PMPCA: variants seen among roughly 807,000 people sequenced by gnomAD.
PMPCA encodes the protein peptidase, mitochondrial processing subunit alpha.
A neutral mutation model predicts 59.3 loss-of-function variants in PMPCA; 47 were observed. That is an observed-to-expected ratio of 0.79 (90% CI 0.63 to 1.01). The LOEUF (loss-of-function observed/expected upper bound fraction) is 1.01, where lower values mean the gene tolerates loss of function less well. Among genes scored for constraint, PMPCA ranks in the 50% least tolerant of loss-of-function variants. The pLI, the probability that PMPCA is intolerant of heterozygous loss-of-function variation, is 0.00. For missense variants in PMPCA, 726 were observed against 704.5 expected (o/e 1.03, Z -0.34); for synonymous variants, 338 against 290.3 (o/e 1.16, Z -1.67).
At position 136,421,263 on chromosome 9, in the gene PMPCA, A is replaced by G. The variant is rs144536681; in HGVS notation, c.1264-569A>G. Among the ~76,000 whole-genome samples, 626 of 152,384 alleles carry G rather than the reference A, an allele frequency of 4.1e-3. 20 individuals carry two copies. The highest frequency in any genetic ancestry group is 0.034 in the Admixed American group (522 of 15,306). Reference sequence around the variant, plus strand: ...TACCTTCTCCCGCTGCATGTCACACAGACAATGAAGAACTCAAGGGAGGCA... The same window carrying G: ...TACCTTCTCCCGCTGCATGTCACACGGACAATGAAGAACTCAAGGGAGGCA... On this transcript the variant is annotated intron_variant, in intron 11 of 12. Coordinates refer to ENST00000371717, the MANE Select transcript of PMPCA (RefSeq NM_015160.3).
At chr9:136,421,404 GTTTTTTTTTTTTTTT>G (rs57128281) in intron 11 of PMPCA, among the ~76,000 whole-genome samples, 1 of 118,008 alleles carries the variant, frequency 8.5e-6, no homozygotes, top group Middle Eastern at 4.7e-3. Context: ...CTGGGTTCCC[GTTTTTTTTTTTTTTT>G]TTTTTTTTGA....
intron 6 of PMPCA, 103 bp downstream of exon 6, chr9:136,416,494 A>G: frequency 1.2e-6 from 1 of 814,746 alleles, no homozygotes; most frequent in Non-Finnish European, 2.1e-6. Flanking sequence ...CTTGCAGGTT[A>G]TGGATATATA....
intron 3 of PMPCA, 112 bp from the exon 4 acceptor site, chr9:136,412,698 T>A: frequency 1.2e-6 from 1 of 820,140 alleles, no homozygotes; most frequent in South Asian, 1.5e-5. Context: ...ACTTTTAAGT[T>A]AAAAGATAAT....
intron 3 of PMPCA, 23 bp from the exon 4 acceptor site, chr9:136,412,787 G>T (rs1835171977): frequency 6.9e-7 from 1 of 1,449,864 alleles, no homozygotes; most frequent in Non-Finnish European, 9.7e-7. Flanking sequence ...GCTTATTTAG[G>T]TTTCCTTATT....
intron 8 of PMPCA, 42 bp from the exon 9 acceptor site, chr9:136,418,513 T>C (rs759163065): frequency 8.2e-7 from 1 of 1,225,368 alleles, no homozygotes; most frequent in South Asian, 1.2e-5. Context: ...GCTCCTGACG[T>C]GGCGTGGGTG....
At chr9:136,420,508 C>T (rs1835419238) in intron 11 of PMPCA, 4 of 152,318 alleles carry the variant, frequency 2.6e-5, no homozygotes, top group African/African-American at 7.2e-5. Flanking sequence ...GACAGGGTTT[C>T]ACCACGTTGG....
rs1449120498 is a variant in PMPCA, at chr9:136,416,756, G to GC, written c.634-195_634-194insC. On this transcript the variant is annotated intron_variant, in intron 6 of 12. Transcript: ENST00000371717. Reference sequence around the variant, plus strand: ...ACACAATTAATCTTAGGCTTTTTGTGAATTTGTATTCTGGAGAGGCAGATT... The same window carrying GC: ...ACACAATTAATCTTAGGCTTTTTGTGCAATTTGTATTCTGGAGAGGCAGATT... 9 of 596,172 alleles carry GC rather than the reference G, an allele frequency of 1.5e-5. No homozygotes were observed. The Admixed American group carries it at 1.8e-4, about 12-fold the overall frequency. The allele number at this position is 596,172 out of a possible 1,614,324, so 36.9% of individuals were successfully genotyped here. A position where few individuals can be genotyped will look rare whatever the true frequency, so the allele number is the denominator to read the frequency against.
chr9:136,410,685 T>C lies in PMPCA; in HGVS notation c.17T>C (p.Leu6Pro). Residue 6 changes from leucine to proline, a missense_variant, in exon 1 of 13, where the codon CTG (leucine) becomes CCG (proline). Coordinates refer to ENST00000371717, the MANE Select transcript of PMPCA (RefSeq NM_015160.3). MAAVVLAATRLLRGSG... is the reference protein window; with the variant it reads MAAVVPAATRLLRGSG... ...AGACGCAAGATGGCGGCTGTGGTGC[T>C]GGCGGCGACGCGGTTGCTGCGGGGC... 1 of 1,417,128 alleles carries C rather than the reference T, an allele frequency of 7.1e-7. No individual in the cohort carries two copies. The highest frequency in any genetic ancestry group is 9.2e-7 in the Non-Finnish European group (1 of 1,087,120). The allele number at this position is 1,417,128 out of a possible 1,614,324, so 87.8% of individuals were successfully genotyped here.
chr9:136,419,024 C>T lies in PMPCA; in HGVS notation c.1201-20C>T, dbSNP rs763684700. On this transcript the variant is annotated intron_variant, in intron 10 of 12. Transcript: ENST00000371717. The stretch of plus-strand genomic sequence containing the variant: ...CGGCAGGCGCAGGCCACACTGTTAT[C>T]GTCTTGCCCTTCTTCGCAGGTTCGA... 5.6e-6 allele frequency: 9 copies of T among 1,612,200 alleles called. No homozygotes were observed. The Admixed American group carries it at 6.7e-5, about 12-fold the overall frequency.
chr9:136,416,451 G>A, intron 6 of PMPCA, 60 bp downstream of exon 6: 1 of 1,196,590 alleles, frequency 8.4e-7, no homozygotes, highest in Non-Finnish European at 1.2e-6. Context: ...GGGACACCAG[G>A]GGTGGTGGGG....
rs1179713369 is a variant in PMPCA, at chr9:136,418,646, C to T, written c.1082C>T (p.Ser361Phe). ...GGTGGGCCCGGCAAGGGCATGTTCT[C>T]CAGGCTCTACCTCAACGTGCTCAAC... ...SAGGPGKGMF[S>F]RLYLNVLNRH... Residue 361 changes from serine to phenylalanine, a missense_variant, in exon 9 of 13, where the codon TCC (serine) becomes TTC (phenylalanine). By Grantham distance (155) the Ser-to-Phe change is radical (BLOSUM62 -2). Coordinates refer to ENST00000371717, the MANE Select transcript of PMPCA (RefSeq NM_015160.3). 6.2e-7 allele frequency: 1 copy of T among 1,611,938 alleles called. No homozygotes were observed.
intron 12 of PMPCA, 118 bp from the exon 13 acceptor site, chr9:136,422,977 A>G: frequency 1.4e-5 from 21 of 1,459,824 alleles, no homozygotes; most frequent in Non-Finnish European, 1.9e-5. Flanking sequence ...TGCCCCCATC[A>G]GCAGCACAGC....
chr9:136,423,199 C>T lies in PMPCA; in HGVS notation c.1513C>T (p.His505Tyr), dbSNP rs1260706411. 9 of 1,613,680 alleles carry T rather than the reference C, an allele frequency of 5.6e-6. No homozygotes were observed. The change falls in exon 13 of 13, where the codon CAC becomes TAC. Residue 505 changes from histidine (H) to tyrosine (Y), a missense_variant. By Grantham distance (83) the His-to-Tyr change is moderately conservative. Coordinates refer to ENST00000371717, the MANE Select transcript of PMPCA (RefSeq NM_015160.3). ...GDLTDLPTYE[H>Y]IQTALSSKDG... ...CCTGACTGACCTGCCCACGTATGAG[C>T]ACATCCAGACCGCCCTGTCGAGTAA...
chr9:136,422,105 C>G (rs1321602685), intron 12 of PMPCA, 129 bp downstream of exon 12: 12 of 1,545,812 alleles, frequency 7.8e-6, no homozygotes, highest in Non-Finnish European at 9.6e-6. Context: ...GGGGCCTTCA[C>G]CAGTTGTCCT....
chr9:136,413,200 G>A (rs1588808681), intron 4 of PMPCA, among the ~76,000 whole-genome samples: 1 of 152,368 alleles, frequency 6.6e-6, no homozygotes, highest in South Asian at 2.1e-4. Flanking sequence ...AAAGGCGGTA[G>A]GAGCCAGGAG....
At position 136,416,913 on chromosome 9, in the gene PMPCA, G is replaced by C. The variant is rs753072817; in HGVS notation, c.634-38G>C. On this transcript the variant is annotated intron_variant, in intron 6 of 12. Coordinates refer to ENST00000371717, the MANE Select transcript of PMPCA (RefSeq NM_015160.3). ...TTGTTGGAGGAAGCCTGGTCATGCT[G>C]TCTTCAGTCACCTGTGTCTGTGGCT... The C allele has an allele frequency of 2.5e-6, 4 of 1,573,648 alleles. No individual in the cohort carries two copies. The South Asian group carries it at 4.7e-5, about 18-fold the overall frequency.
intron 11 of PMPCA, chr9:136,420,724 C>G (rs1236535554): frequency 6.6e-6 from 1 of 152,256 alleles, no homozygotes; most frequent in Non-Finnish European, 1.5e-5. Flanking sequence ...GTGAAGTCAA[C>G]TTGAAATAAA....
intron 12 of PMPCA, 57 bp from the exon 13 acceptor site, chr9:136,423,038 G>T: frequency 2.6e-6 from 4 of 1,540,872 alleles, no homozygotes; most frequent in Non-Finnish European, 2.6e-6. Context: ...TACTGATGCA[G>T]CCTCAGCGTG....
intron 11 of PMPCA, among the ~76,000 whole-genome samples, chr9:136,421,214 C>T (rs1363459491): frequency 1.3e-5 from 2 of 152,244 alleles, no homozygotes; most frequent in East Asian, 1.9e-4. Flanking sequence ...CTTTGGGGCC[C>T]TGGCATTTGG....
Sources: allele counts gnomAD v4.1 joint callset (sites outside exome capture counted in the v4.1 genomes callset), GRCh38; gene constraint gnomAD v4.1.1; transcripts MANE v1.5; gene names NCBI Gene and HGNC (gene_info 2026-07-23, HGNC 2026-07-21).